The following MTSS1 variants were observed in gnomAD, a reference collection of about 807,000 sequenced individuals.
MTSS1 encodes the protein MTSS I-BAR domain containing 1, also known as protein MTSS 1.
MTSS1 carries 18 observed loss-of-function variants against 79.0 expected under a neutral mutation model. The observed-to-expected ratio is 0.23, with a 90% CI of 0.16 to 0.34. MTSS1 has a LOEUF of 0.34. Among genes scored for constraint, MTSS1 ranks in the 10% least tolerant of loss-of-function variants. The pLI is 1.00. For synonymous variants in MTSS1, 341 were observed against 368.6 expected, an observed-to-expected ratio of 0.93 and a Z score of 0.86; for missense variants, 815 against 986.2, an observed-to-expected ratio of 0.83 and a Z score of 2.33.
intron 6 of MTSS1, among the ~76,000 whole-genome samples, chr8:124,583,367 G>A (rs748864750): frequency 7.2e-5 from 11 of 152,170 alleles, no homozygotes; most frequent in Non-Finnish European, 1.0e-4. Context: ...CCTTGATAGG[G>A]AGCTCATTAT....
chr8:124,563,267 T>C, intron 9 of MTSS1: 2 of 460,452 alleles, frequency 4.3e-6, no homozygotes. Context: ...CCATGTGGCA[T>C]TCTTACGAGG....
intron 3 of MTSS1, among the ~76,000 whole-genome samples, chr8:124,689,805 T>C (rs1295081709): frequency 1.3e-5 from 2 of 151,876 alleles, no homozygotes; most frequent in Non-Finnish European, 2.9e-5. Flanking sequence ...ATAACTGCAT[T>C]CTTTCATGAA....
chr8:124,628,092 G>A (rs1252970581), intron 3 of MTSS1, among the ~76,000 whole-genome samples: 2 of 152,154 alleles, frequency 1.3e-5, no homozygotes, highest in Non-Finnish European at 2.9e-5. Context: ...GCTTGAACCC[G>A]GGAGATGGAG....
chr8:124,596,306 C>G (rs1400644986), intron 3 of MTSS1, among the ~76,000 whole-genome samples: 1 of 151,954 alleles, frequency 6.6e-6, no homozygotes, highest in African/African-American at 2.4e-5. Flanking sequence ...TAAAAGAAAT[C>G]TAAGTTGGTC....
chr8:124,564,207 T>C (rs1382549732), intron 9 of MTSS1, among the ~76,000 whole-genome samples: 2 of 149,372 alleles, frequency 1.3e-5, no homozygotes, highest in Non-Finnish European at 3.0e-5. Flanking sequence ...CAGACTCCCA[T>C]GGTCCAAACA....
At chr8:124,670,803 C>A (rs1190466872) in intron 3 of MTSS1, among the ~76,000 whole-genome samples, 1 of 152,118 alleles carries the variant, frequency 6.6e-6, no homozygotes, top group Non-Finnish European at 1.5e-5. Context: ...GAGGAAAAGT[C>A]CAGAGACCGC....
intron 3 of MTSS1, among the ~76,000 whole-genome samples, chr8:124,645,212 C>A (rs1563923896): frequency 6.6e-6 from 1 of 152,002 alleles, no homozygotes; most frequent in Admixed American, 6.6e-5. Flanking sequence ...CTACAAAAAA[C>A]AAAAACAAAA....
At chr8:124,621,553 G>GT (rs35048613) in intron 3 of MTSS1, among the ~76,000 whole-genome samples, 7,301 of 151,450 alleles carry the variant, frequency 0.048, 254 homozygotes, top group Middle Eastern at 0.096. Flanking sequence ...CTGTTTGTGT[G>GT]TTTTTTTTTG....
At chr8:124,636,995 G>T (rs764993152) in intron 3 of MTSS1, among the ~76,000 whole-genome samples, 2 of 152,308 alleles carry the variant, frequency 1.3e-5, no homozygotes, top group East Asian at 3.9e-4. Context: ...CATAAAGATG[G>T]CTACGGAAGG....
intron 3 of MTSS1, among the ~76,000 whole-genome samples, chr8:124,609,194 C>T (rs904828057): frequency 1.3e-5 from 2 of 152,322 alleles, no homozygotes; most frequent in African/African-American, 4.8e-5. Flanking sequence ...GCCAGTTGCA[C>T]CACTAAAGGA....
chr8:124,611,116 C>A (rs142342875), intron 3 of MTSS1, among the ~76,000 whole-genome samples: 2 of 148,714 alleles, frequency 1.3e-5, no homozygotes, highest in Non-Finnish European at 3.0e-5. Context: ...ACCCCCCCCC[C>A]CCAGCATGTG....
At chr8:124,687,192 A>G (rs114723942) in intron 3 of MTSS1, among the ~76,000 whole-genome samples, 2,462 of 152,234 alleles carry the variant, frequency 0.016, 69 homozygotes, top group African/African-American at 0.056. Context: ...GACAATTACT[A>G]TCCTTCAATC....
rs1195599898 is a variant in MTSS1, at chr8:124,649,909, T to C, written c.208+49617A>G. On this transcript the variant is annotated intron_variant, in intron 3 of 13. Transcript: ENST00000518547. ...TAGATATGGAAAAGACTAAGAGCAT[T>C]GTCACCCAGGGTCTGTCTCCGAACA... is the stretch of plus-strand genomic sequence containing the variant. 3.9e-5 allele frequency among the ~76,000 whole-genome samples: 6 copies of C among 152,012 alleles called. No individual in the cohort carries two copies. In the East Asian group the frequency reaches 1.2e-3, roughly 29 times the overall value.
rs1450290361 is a variant in MTSS1 at position 124,582,390 on chromosome 8, C to T, written c.460+2697G>A. On this transcript the variant is annotated intron_variant, in intron 6 of 13. Transcript: ENST00000518547. This position sits in a 1 kb window ranked among gnomAD's most constrained non-coding sequence, Gnocchi z 4.8. ...CTGCAGAGTAAGAAGGAAAGTGAGC[C>T]GCTCACAAAAATCACATCCGTGTGT... 6.6e-6 allele frequency among the ~76,000 whole-genome samples: 1 copy of T among 151,932 alleles called. No homozygotes were observed. Among genetic ancestry groups the T allele is most frequent in the African/African-American group, 2.4e-5 (1 of 41,370 alleles).
chr8:124,701,730 A>T (rs1010735427), intron 2 of MTSS1, among the ~76,000 whole-genome samples: 1 of 152,234 alleles, frequency 6.6e-6, no homozygotes, highest in Non-Finnish European at 1.5e-5. Context: ...AGGCTTTTAA[A>T]TGGCAGTCAT....
At chr8:124,580,420 G>A in intron 6 of MTSS1, 2 of 920,120 alleles carry the variant, frequency 2.2e-6, no homozygotes, top group Non-Finnish European at 3.3e-6. Context: ...GGAAAATTAG[G>A]TAGGCACAGT....
chr8:124,711,247 C>T (rs1046475929), intron 1 of MTSS1, among the ~76,000 whole-genome samples: 6 of 152,128 alleles, frequency 3.9e-5, no homozygotes, highest in African/African-American at 1.2e-4. Context: ...GAGGTGGGGC[C>T]GTTTAATCTG....
intron 10 of MTSS1, among the ~76,000 whole-genome samples, chr8:124,561,468 A>G (rs1342641329): frequency 6.6e-6 from 1 of 152,160 alleles, no homozygotes; most frequent in Admixed American, 6.5e-5. Flanking sequence ...CTAGCCACGC[A>G]TGTCTTGGGC....
At chr8:124,648,672 C>T (rs1018377486) in intron 3 of MTSS1, among the ~76,000 whole-genome samples, 1 of 151,474 alleles carries the variant, frequency 6.6e-6, no homozygotes, top group Non-Finnish European at 1.5e-5. Context: ...TCCTCTCAGG[C>T]TCAGGATTAT....
Sources: allele counts gnomAD v4.1 joint callset (sites outside exome capture counted in the v4.1 genomes callset), GRCh38; gene constraint gnomAD v4.1.1; non-coding constraint Gnocchi (gnomAD v3.1); transcripts MANE v1.5; gene names NCBI Gene and HGNC (gene_info 2026-07-23, HGNC 2026-07-21).